Variants in ASIC2 observed in about 807,000 individuals in gnomAD.
ASIC2 encodes the protein acid-sensing ion channel 2.
Under a neutral mutation model 57.3 loss-of-function variants are expected in ASIC2, and 25 were observed. The observed-to-expected ratio is 0.44, with a 90% CI of 0.32 to 0.61. The LOEUF is 0.61. Among genes scored for constraint, ASIC2 ranks in the 20% least tolerant of loss-of-function variants. The pLI is 0.06. For missense variants in ASIC2, 641 were observed against 738.1 expected, an observed-to-expected ratio of 0.87 and a Z score of 1.52; for synonymous variants, 319 against 307.5, an observed-to-expected ratio of 1.04 and a Z score of -0.39.
chr17:33,593,751 G>T (rs1268521842), intron 1 of ASIC2, among the ~76,000 whole-genome samples: 1 of 152,198 alleles, frequency 6.6e-6, no homozygotes, highest in Non-Finnish European at 1.5e-5. Flanking sequence ...AAGTAATTTT[G>T]AAAAGGTCAA....
In ASIC2 at chr17:33,291,579, C is replaced by T. The variant is rs1283298041; in HGVS notation, c.537G>A (p.Glu179=). The change falls in exon 1 of 10, where the codon GAG becomes GAA. Residue 179 remains glutamate (E), a synonymous_variant. Transcript: ENST00000225823. The stretch of plus-strand genomic sequence containing the variant: ...GCTTGCGGAACCACTGGCGGCGCGG[C>T]TCGTCGCCCCGCAGCAGCTCGCTGA... ...PLVSELLRGD[E]PRRQWFRKLA... is the part of the protein sequence containing the mutation. 6 of 1,608,986 alleles carry T rather than the reference C, an allele frequency of 3.7e-6. No homozygotes were observed. The highest frequency in any genetic ancestry group is 4.5e-5 in the East Asian group (2 of 44,782).
intron 1 of ASIC2, among the ~76,000 whole-genome samples, chr17:33,298,712 C>T (rs1171965194): frequency 6.6e-6 from 1 of 152,166 alleles, no homozygotes; most frequent in Non-Finnish European, 1.5e-5. Context: ...ACAGTCCCAC[C>T]AACAGTGTAA....
chr17:33,989,058 C>T (rs1022519249), intron 1 of ASIC2, among the ~76,000 whole-genome samples: 1 of 152,050 alleles, frequency 6.6e-6, no homozygotes, highest in African/African-American at 2.4e-5. Context: ...CAAGAATTCT[C>T]ACTATTCAGA....
At chr17:33,651,489 C>T (rs574696056) in intron 1 of ASIC2, among the ~76,000 whole-genome samples, 8 of 152,272 alleles carry the variant, frequency 5.3e-5, no homozygotes, top group African/African-American at 1.9e-4. Flanking sequence ...TCGCAAGCTG[C>T]CCTGCGAGTG....
chr17:33,909,150 A>G (rs1470360902), intron 1 of ASIC2, among the ~76,000 whole-genome samples: 1 of 152,158 alleles, frequency 6.6e-6, no homozygotes, highest in Non-Finnish European at 1.5e-5. Context: ...AGGCAGAGGC[A>G]TCTCCATACC....
chr17:33,023,913 T>G lies in ASIC2; in HGVS notation c.1297A>C (p.Thr433Pro). Residue 433 changes from threonine to proline, a missense_variant, in exon 6 of 10, where the codon ACA (threonine) becomes CCA (proline). Coordinates refer to ENST00000225823, the MANE Select transcript of ASIC2 (RefSeq NM_183377.2). ...ELSMVKIPSKTSAKYLEKKFN... is the reference protein window; with the variant it reads ...ELSMVKIPSKPSAKYLEKKFN... ...TTCTTCTCAAGGTACTTGGCTGATG[T>G]CTTGCTGGGGATCTTCACCATGGAG... is the stretch of plus-strand genomic sequence containing the variant. 6.2e-7 allele frequency: 1 copy of G among 1,614,280 alleles called. No homozygotes were observed. The highest frequency in any genetic ancestry group is 8.5e-7 in the Non-Finnish European group (1 of 1,180,048).
intron 1 of ASIC2, among the ~76,000 whole-genome samples, chr17:33,853,335 C>T (rs1175242279): frequency 2.0e-5 from 3 of 152,166 alleles, no homozygotes; most frequent in African/African-American, 2.4e-5. Flanking sequence ...AGGGCTCACC[C>T]GGCCTGGCAG....
At chr17:33,415,433 T>C (rs1910809289) in intron 1 of ASIC2, among the ~76,000 whole-genome samples, 1 of 152,236 alleles carries the variant, frequency 6.6e-6, no homozygotes. Flanking sequence ...GTTATTTTTA[T>C]TATTTTTGAA....
intron 1 of ASIC2, among the ~76,000 whole-genome samples, chr17:33,125,781 T>C (rs971489600): frequency 6.6e-6 from 1 of 152,236 alleles, no homozygotes; most frequent in Non-Finnish European, 1.5e-5. Flanking sequence ...TGTCGAGCTG[T>C]GGGCATTCAA....
intron 1 of ASIC2, among the ~76,000 whole-genome samples, chr17:33,648,827 T>G (rs549236442): frequency 1.3e-5 from 2 of 152,354 alleles, no homozygotes; most frequent in African/African-American, 4.8e-5. Flanking sequence ...TTTTCATCTT[T>G]AGAAACTATA....
At chr17:34,093,192 T>A (rs1299063796) in intron 1 of ASIC2, among the ~76,000 whole-genome samples, 6 of 152,174 alleles carry the variant, frequency 3.9e-5, no homozygotes, top group African/African-American at 1.4e-4. Context: ...CACACACATA[T>A]GAGGAGATAA....
intron 3 of ASIC2, among the ~76,000 whole-genome samples, chr17:33,069,875 T>G (rs1032970282): frequency 1.3e-5 from 2 of 152,240 alleles, no homozygotes; most frequent in African/African-American, 4.8e-5. Context: ...CCTATTATTT[T>G]GTTATATGTG....
chr17:33,958,162 G>C (rs1382020896), intron 1 of ASIC2, among the ~76,000 whole-genome samples: 1 of 152,236 alleles, frequency 6.6e-6, no homozygotes, highest in East Asian at 1.9e-4. Context: ...TGCAGGTACA[G>C]CTATCCTCCT....
intron 1 of ASIC2, among the ~76,000 whole-genome samples, chr17:34,103,819 T>C (rs1182125972): frequency 2.6e-5 from 4 of 152,350 alleles, no homozygotes; most frequent in African/African-American, 9.6e-5. Context: ...TTGATGTGTC[T>C]ATCTTTATGC....
At chr17:33,538,539 G>T (rs1915309733) in intron 1 of ASIC2, among the ~76,000 whole-genome samples, 1 of 152,208 alleles carries the variant, frequency 6.6e-6, no homozygotes, top group South Asian at 2.1e-4. Context: ...CAAGGCCAGT[G>T]CTTGGCAAAG....
Position 33,327,689 on chromosome 17 carries a change from C to T in ASIC2, c.556-215622G>A, listed in dbSNP as rs548656368. On this transcript the variant is annotated intron_variant, in intron 1 of 9. Coordinates refer to the ASIC2 transcript ENST00000359872. ...CCAAAGTCGTTCATTAGAAAAGACT[C>T]CTACTTCAGACTGAGGCAAAGCCAG... is the stretch of plus-strand genomic sequence containing the variant. 2.6e-5 allele frequency among the ~76,000 whole-genome samples: 4 copies of T among 152,290 alleles called. No individual in the cohort carries two copies. The East Asian group carries it at 7.7e-4, about 29-fold the overall frequency.
chr17:33,751,816 T>C (rs1480628201), intron 1 of ASIC2, among the ~76,000 whole-genome samples: 1 of 151,940 alleles, frequency 6.6e-6, no homozygotes, highest in Non-Finnish European at 1.5e-5. Flanking sequence ...CAGCAAAGAA[T>C]GAACTGTCCT....
intron 1 of ASIC2, among the ~76,000 whole-genome samples, chr17:33,728,041 G>A (rs1486573418): frequency 2.0e-5 from 3 of 152,154 alleles, no homozygotes; most frequent in Non-Finnish European, 2.9e-5. Context: ...GATGTGCTGT[G>A]GTAGAGGCAG....
intron 1 of ASIC2, among the ~76,000 whole-genome samples, chr17:33,397,678 T>A (rs116532141): frequency 6.6e-6 from 1 of 152,168 alleles, no homozygotes; most frequent in Admixed American, 6.5e-5. Flanking sequence ...AGATAGCCCT[T>A]GGAACCCTAG....
Sources: gnomAD v4.1 joint callset for allele counts (sites outside exome capture counted in the v4.1 genomes callset) on GRCh38, gnomAD v4.1.1 for gene constraint, MANE v1.5 for transcripts, NCBI Gene and HGNC (gene_info 2026-07-23, HGNC 2026-07-21) for gene names.